Variants in ADAMTS17 observed in about 807,000 individuals in gnomAD.
ADAMTS17 encodes A disintegrin and metalloproteinase with thrombospondin motifs 17.
ADAMTS17 carries 113 observed loss-of-function variants against 141.5 expected under a neutral mutation model. That is an observed-to-expected ratio of 0.80 (90% CI 0.69 to 0.93). The LOEUF (loss-of-function observed/expected upper bound fraction) is 0.93. Ranked by LOEUF, ADAMTS17 falls within the 40% of genes least tolerant of loss-of-function variation. The pLI is 0.00. For missense variants in ADAMTS17, 1,659 were observed against 1,517.9 expected, an observed-to-expected ratio of 1.09 and a Z score of -1.54; for synonymous variants, 768 against 630.6, an observed-to-expected ratio of 1.22 and a Z score of -3.27.
At chr15:100,127,349 C>T (rs899038686) in intron 12 of ADAMTS17, among the ~76,000 whole-genome samples, 2 of 152,074 alleles carry the variant, frequency 1.3e-5, no homozygotes, top group African/African-American at 4.8e-5. Flanking sequence ...GAAGAGACCA[C>T]GTGAAGTCAG....
Position 100,172,381 on chromosome 15 carries a change from C to A in ADAMTS17, c.1182-17061G>T, listed in dbSNP as rs550832190. ...AATCAGTACGTTAATATGTTCAGTT[C>A]TTTGTCCTCCATTTTAAAGTTTAAC... On this transcript the variant is annotated intron_variant, in intron 8 of 21. Coordinates refer to ENST00000268070, the MANE Select transcript of ADAMTS17 (RefSeq NM_139057.4). Among the ~76,000 whole-genome samples the A allele has an allele frequency of 1.2e-4, 18 of 152,278 alleles. No homozygotes were observed. The South Asian group carries it at 3.7e-3, about 32-fold the overall frequency.
At chr15:100,305,110 T>C (rs528949460) in intron 3 of ADAMTS17, among the ~76,000 whole-genome samples, 7 of 152,270 alleles carry the variant, frequency 4.6e-5, no homozygotes, top group East Asian at 1.9e-4. Context: ...TTCAACTGCA[T>C]GTTGTGGTGC....
At chr15:100,194,044 G>C (rs1403694189) in intron 8 of ADAMTS17, among the ~76,000 whole-genome samples, 1 of 152,192 alleles carries the variant, frequency 6.6e-6, no homozygotes, top group Non-Finnish European at 1.5e-5. Context: ...CAAAGGCAGA[G>C]GTTTATTTTC....
At chr15:100,117,180 C>T (rs1056278477) in intron 12 of ADAMTS17, among the ~76,000 whole-genome samples, 167 bp from the exon 13 acceptor site, 5 of 152,198 alleles carry the variant, frequency 3.3e-5, no homozygotes, top group Non-Finnish European at 5.9e-5. Context: ...CCCAGACCCA[C>T]ACTGCCGGCA....
Position 99,972,285 on chromosome 15 carries a change from A to C in ADAMTS17, c.*2117T>G, listed in dbSNP as rs2060227262. ...CACCGACAACAAAAAGATGAGCTAA[A>C]AGAGCTCTGCAGATGCAGACTTTAG... On this transcript the variant is annotated 3_prime_UTR_variant, in exon 22 of 22. Coordinates refer to ENST00000268070, the MANE Select transcript of ADAMTS17 (RefSeq NM_139057.4). 1 of 152,146 alleles carries C rather than the reference A, an allele frequency of 6.6e-6. No individual in the cohort carries two copies. Among genetic ancestry groups the C allele is most frequent in the Non-Finnish European group, 1.5e-5 (1 of 68,054 alleles). 9.4% of individuals were successfully genotyped at this position (152,146 alleles called of 1,614,324 possible). A position where few individuals can be genotyped will look rare whatever the true frequency, so the allele number is the denominator to read the frequency against.
At position 99,973,733 on chromosome 15, in the gene ADAMTS17, G is replaced by T. The variant is rs1211874995; in HGVS notation, c.*669C>A. On this transcript the variant is annotated 3_prime_UTR_variant, in exon 22 of 22. Coordinates refer to ENST00000268070, the MANE Select transcript of ADAMTS17 (RefSeq NM_139057.4). The stretch of plus-strand genomic sequence containing the variant: ...CTCTTGGAACATTCTTCCCATGCGG[G>T]TGGTATGAACTGCGTGGCACTGCTG... 6.4e-6 allele frequency: 1 copy of T among 156,866 alleles called. No homozygotes were observed. Among genetic ancestry groups the T allele is most frequent in the African/African-American group, 2.4e-5 (1 of 41,474 alleles). 9.7% of individuals were successfully genotyped at this position (156,866 alleles called of 1,614,324 possible). A position where few individuals can be genotyped will look rare whatever the true frequency, so the allele number is the denominator to read the frequency against.
intron 3 of ADAMTS17, among the ~76,000 whole-genome samples, chr15:100,294,181 G>A (rs2142141635): frequency 6.6e-6 from 1 of 152,290 alleles, no homozygotes; most frequent in African/African-American, 2.4e-5. Context: ...GCATGGCACT[G>A]TCATTATTGC....
chr15:100,047,545 G>A (rs112897336), intron 18 of ADAMTS17, among the ~76,000 whole-genome samples: 2 of 151,790 alleles, frequency 1.3e-5, no homozygotes, highest in Non-Finnish European at 2.9e-5. Flanking sequence ...CGACGCTTAG[G>A]GAAAATAGAA....
At chr15:100,131,616 C>G (rs1291982301) in intron 12 of ADAMTS17, among the ~76,000 whole-genome samples, 8 of 152,126 alleles carry the variant, frequency 5.3e-5, no homozygotes, top group Non-Finnish European at 1.0e-4. Context: ...ACAGCTGCAC[C>G]CAGACACTCT....
At chr15:100,203,324 G>C (rs574529512) in intron 7 of ADAMTS17, among the ~76,000 whole-genome samples, 1 of 152,348 alleles carries the variant, frequency 6.6e-6, no homozygotes, top group Non-Finnish European at 1.5e-5. Flanking sequence ...TGTAATCCCA[G>C]CACTTTGGGA....
intron 10 of ADAMTS17, among the ~76,000 whole-genome samples, chr15:100,140,488 C>CATATATATCTATATATATATATAT (rs2038579280): frequency 8.0e-6 from 1 of 124,936 alleles, no homozygotes; most frequent in Non-Finnish European, 1.8e-5. Flanking sequence ...CACATACATA[C>CATATATATCTATATATATATATAT]ATATATATAT....
At chr15:100,230,563 C>T (rs2042449200) in intron 7 of ADAMTS17, among the ~76,000 whole-genome samples, 1 of 152,164 alleles carries the variant, frequency 6.6e-6, no homozygotes, top group Non-Finnish European at 1.5e-5. Flanking sequence ...CCGAAAAGTT[C>T]CTGAAAAGTC....
chr15:100,045,114 T>C (rs932334671), intron 18 of ADAMTS17, among the ~76,000 whole-genome samples: 4 of 151,884 alleles, frequency 2.6e-5, no homozygotes, highest in East Asian at 1.9e-4. Flanking sequence ...GCCTGTTAAT[T>C]TGGATTTTTT....
chr15:100,244,336 G>A (rs1451309143), intron 7 of ADAMTS17, among the ~76,000 whole-genome samples: 3 of 148,298 alleles, frequency 2.0e-5, no homozygotes, highest in African/African-American at 7.5e-5. Flanking sequence ...CGACAGTGGT[G>A]GACAAGCAAG....
chr15:100,339,571 T>C (rs2411362), intron 2 of ADAMTS17, among the ~76,000 whole-genome samples: 4 of 126,586 alleles, frequency 3.2e-5, no homozygotes, highest in Non-Finnish European at 6.8e-5. Context: ...CAACCCACAT[T>C]CCCCGCCCCA....
chr15:100,093,880 G>A (rs190610620), intron 15 of ADAMTS17, among the ~76,000 whole-genome samples: 45 of 152,172 alleles, frequency 3.0e-4, no homozygotes, highest in Admixed American at 5.9e-4. Context: ...TAACCATTGC[G>A]TGATTGGGCT....
intron 15 of ADAMTS17, among the ~76,000 whole-genome samples, chr15:100,081,231 A>C (rs1052335556): frequency 6.6e-6 from 1 of 152,180 alleles, no homozygotes; most frequent in East Asian, 1.9e-4. Context: ...CCTGCCCTGG[A>C]ACATCAGACC....
intron 8 of ADAMTS17, among the ~76,000 whole-genome samples, chr15:100,193,749 A>T (rs2041008262): frequency 6.6e-6 from 1 of 152,222 alleles, no homozygotes; most frequent in Admixed American, 6.5e-5. Flanking sequence ...TGTTTTCCAG[A>T]GGCCACGGGC....
chr15:99,999,275 ATATAC>A (rs1321874584), intron 18 of ADAMTS17, among the ~76,000 whole-genome samples: 1 of 152,168 alleles, frequency 6.6e-6, no homozygotes, highest in Admixed American at 6.5e-5. Context: ...TCTATAACAA[ATATAC>A]TAAATGAGAT....
Sources: gnomAD v4.1 joint callset for allele counts (sites outside exome capture counted in the v4.1 genomes callset) on GRCh38, gnomAD v4.1.1 for gene constraint, MANE v1.5 for transcripts, NCBI Gene and HGNC (gene_info 2026-07-23, HGNC 2026-07-21) for gene names.